Variants in KCNMA1 observed in about 807,000 individuals in gnomAD.
KCNMA1 encodes the protein Calcium-activated potassium channel subunit alpha-1.
In KCNMA1, 29 loss-of-function variants were observed where a neutral mutation model predicts 140.0. That is an observed-to-expected ratio of 0.21 (90% CI 0.15 to 0.28). The LOEUF (loss-of-function observed/expected upper bound fraction) is 0.28. KCNMA1 is among the 10% of genes least tolerant of loss of function. The pLI is 1.00. For synonymous variants in KCNMA1, 612 were observed against 611.9 expected (o/e 1.00, Z 0.00); for missense variants, 880 against 1,602.2 (o/e 0.55, Z 7.70).
At chr10:77,214,110 T>C (rs2046969557) in intron 3 of KCNMA1, among the ~76,000 whole-genome samples, 1 of 152,194 alleles carries the variant, frequency 6.6e-6, no homozygotes, top group African/African-American at 2.4e-5. Context: ...AGTTCCTGAA[T>C]AAAACCACAC....
chr10:77,604,389 G>A (rs2083666579), intron 1 of KCNMA1, among the ~76,000 whole-genome samples: 1 of 152,166 alleles, frequency 6.6e-6, no homozygotes, highest in African/African-American at 2.4e-5. Context: ...ACAATCAGCA[G>A]GCATGATATT....
At chr10:77,286,155 TTTTAAATTGAAC>T (rs1436197792) in intron 2 of KCNMA1, among the ~76,000 whole-genome samples, 2 of 152,198 alleles carry the variant, frequency 1.3e-5, no homozygotes, top group African/African-American at 4.8e-5. Context: ...AAAGTTCAAT[TTTTAAATTGAAC>T]TTTATTTCAC....
At chr10:77,590,397 T>C (rs2078717228) in intron 1 of KCNMA1, among the ~76,000 whole-genome samples, 1 of 152,204 alleles carries the variant, frequency 6.6e-6, no homozygotes, top group Non-Finnish European at 1.5e-5. Flanking sequence ...GGCTCAGGCA[T>C]GGCGGGCTGC....
intron 17 of KCNMA1, among the ~76,000 whole-genome samples, chr10:77,018,110 G>A (rs146353350): frequency 5.3e-4 from 80 of 152,150 alleles, no homozygotes; most frequent in Non-Finnish European, 1.1e-3. Context: ...AAAGCTCTGA[G>A]TGTTTGAGAA....
At chr10:77,278,298 C>A (rs115281820) in intron 2 of KCNMA1, among the ~76,000 whole-genome samples, 1 of 152,098 alleles carries the variant, frequency 6.6e-6, no homozygotes, top group Non-Finnish European at 1.5e-5. Context: ...GACAAACAAC[C>A]ATATCAGACC....
At chr10:77,353,994 A>AG (rs2093215821) in intron 2 of KCNMA1, among the ~76,000 whole-genome samples, 1 of 11,438 alleles carries the variant, frequency 8.7e-5, no homozygotes. Context: ...GTGGGGGTGG[A>AG]GGGGTGGGGA....
intron 2 of KCNMA1, among the ~76,000 whole-genome samples, chr10:77,300,651 G>C (rs905077980): frequency 2.0e-5 from 3 of 152,188 alleles, no homozygotes; most frequent in Non-Finnish European, 4.4e-5. Context: ...TTTGAGTTAA[G>C]AAAATATGGT....
At chr10:77,426,695 C>T (rs896989745) in intron 1 of KCNMA1, among the ~76,000 whole-genome samples, 1 of 152,224 alleles carries the variant, frequency 6.6e-6, no homozygotes, top group African/African-American at 2.4e-5. Flanking sequence ...GCCCCTGCAG[C>T]ACTTCATAGA....
intron 1 of KCNMA1, among the ~76,000 whole-genome samples, chr10:77,472,371 TAC>T (rs371229132): frequency 1.7e-5 from 2 of 117,508 alleles, no homozygotes; most frequent in African/African-American, 6.6e-5. Context: ...ACACACATAC[TAC>T]ACACACACTA....
At chr10:77,179,734 G>A (rs780200364) in intron 5 of KCNMA1, among the ~76,000 whole-genome samples, 12 of 152,152 alleles carry the variant, frequency 7.9e-5, no homozygotes, top group Admixed American at 2.0e-4. Context: ...CCCAGGAGAT[G>A]TGACCTTGGA....
intron 2 of KCNMA1, among the ~76,000 whole-genome samples, chr10:77,295,425 G>A (rs1288968986): frequency 6.6e-6 from 1 of 151,846 alleles, no homozygotes; most frequent in African/African-American, 2.4e-5. Context: ...ACGCATATAT[G>A]TGTGCACATA....
intron 3 of KCNMA1, 115 bp downstream of exon 3, chr10:77,251,080 T>C: frequency 2.4e-6 from 2 of 833,926 alleles, no homozygotes; most frequent in Admixed American, 1.9e-5. Context: ...TCCTCCAAAA[T>C]CTTCTGCACT....
At chr10:77,513,592 T>C (rs760511948) in intron 1 of KCNMA1, among the ~76,000 whole-genome samples, 18 of 152,268 alleles carry the variant, frequency 1.2e-4, no homozygotes, top group South Asian at 4.1e-4. Flanking sequence ...AGCCAAATAA[T>C]TCAAAGAAAA....
In KCNMA1 at chr10:77,007,653, G is replaced by GTGTATATATATATA; in HGVS notation, c.2092+4313_2092+4314insTATATATATATACA. On this transcript the variant is annotated intron_variant, in intron 18 of 27. Coordinates refer to ENST00000286628, the MANE Select transcript of KCNMA1 (RefSeq NM_001161352.2). ...ACATCATGGTACATATTGTGTGTGT[G>GTGTATATATATATA]TATATATATATATATATATATATGT... Among the ~76,000 whole-genome samples, 26 of 88,468 alleles carry GTGTATATATATATA rather than the reference G, an allele frequency of 2.9e-4. No homozygotes were observed. In the South Asian group the frequency reaches 3.2e-3, roughly 11 times the overall value. 58.0% of individuals were successfully genotyped at this position (88,468 alleles called of 152,430 possible).
Position 77,369,954 on chromosome 10 carries a change from T to C in KCNMA1, c.540+33908A>G, listed in dbSNP as rs151231471. 1.7e-3 allele frequency among the ~76,000 whole-genome samples: 257 copies of C among 152,354 alleles called. 2 individuals are homozygous for C. Among genetic ancestry groups the C allele is most frequent in the African/African-American group, 6.0e-3 (250 of 41,590 alleles). ...AGGAGAAAAATCCTCTTCTAATCTC[T>C]AAATGCAATCGAAGGTTTTCTATGT... On this transcript the variant is annotated intron_variant, in intron 2 of 27. Transcript: ENST00000286628.
chr10:77,313,973 TC>T (rs2080061434), intron 2 of KCNMA1: 1 of 152,182 alleles, frequency 6.6e-6, no homozygotes, highest in African/African-American at 2.4e-5. Flanking sequence ...GAGATCAGTT[TC>T]ATGAGTCCTG....
At chr10:77,240,712 T>A (rs2154229155) in intron 3 of KCNMA1, among the ~76,000 whole-genome samples, 1 of 152,358 alleles carries the variant, frequency 6.6e-6, no homozygotes, top group South Asian at 2.1e-4. Flanking sequence ...AGAGCCTGCA[T>A]TTCTGCATAG....
chr10:77,362,504 A>G (rs1425207321), intron 2 of KCNMA1, among the ~76,000 whole-genome samples: 1 of 152,034 alleles, frequency 6.6e-6, no homozygotes, highest in East Asian at 1.9e-4. Context: ...CTGAGCCTCA[A>G]CTGCTCCATC....
rs1278612825 is a variant in KCNMA1 at position 77,232,518 on chromosome 10, G to T, written c.602+18677C>A. The stretch of plus-strand genomic sequence containing the variant: ...GCATTTCTCTGATGACTAAGGTGTT[G>T]AACATCTTTTCATGTGCTTCTTGAC... On this transcript the variant is annotated intron_variant, in intron 3 of 27. Coordinates refer to ENST00000286628, the MANE Select transcript of KCNMA1 (RefSeq NM_001161352.2). 2.6e-5 allele frequency among the ~76,000 whole-genome samples: 4 copies of T among 152,302 alleles called. 1 individual carries two copies. The East Asian group carries it at 5.8e-4, about 22-fold the overall frequency.
Sources: gnomAD v4.1 joint callset for allele counts (sites outside exome capture counted in the v4.1 genomes callset) on GRCh38, gnomAD v4.1.1 for gene constraint, MANE v1.5 for transcripts, NCBI Gene and HGNC (gene_info 2026-07-23, HGNC 2026-07-21) for gene names.